Variants in THADA observed in about 807,000 individuals in gnomAD.
THADA encodes the protein tRNA (32-2'-O)-methyltransferase regulator THADA.
THADA carries 213 observed loss-of-function variants against 219.8 expected under a neutral mutation model. That is an observed-to-expected ratio of 0.97 (90% CI 0.87 to 1.09). THADA has a LOEUF of 1.09. THADA is among the 50% of genes least tolerant of loss of function. The pLI is 0.00. For synonymous variants in THADA, 1,018 were observed against 828.9 expected (o/e 1.23, Z -3.92); for missense variants, 2,956 against 2,311.3 (o/e 1.28, Z -5.72).
chr2:43,553,427 A>T (rs1360401643), intron 17 of THADA, among the ~76,000 whole-genome samples: 3 of 152,222 alleles, frequency 2.0e-5, no homozygotes, highest in Admixed American at 1.3e-4. Flanking sequence ...TGTCCTTAAA[A>T]GAACAAAGGC....
chr2:43,585,077 G>A (rs906364575), intron 7 of THADA, among the ~76,000 whole-genome samples: 4 of 152,036 alleles, frequency 2.6e-5, no homozygotes, highest in African/African-American at 4.8e-5. Flanking sequence ...AGATTTAAAC[G>A]TACTGACATC....
intron 14 of THADA, 21 bp downstream of exon 14, chr2:43,570,367 G>C: frequency 6.3e-7 from 1 of 1,575,502 alleles, no homozygotes. Flanking sequence ...AAACTCTCAT[G>C]TTTAGAAATA....
At chr2:43,303,864 C>T (rs1676542484) in intron 31 of THADA, among the ~76,000 whole-genome samples, 1 of 152,078 alleles carries the variant, frequency 6.6e-6, no homozygotes, top group African/African-American at 2.4e-5. Context: ...GCTGCTCACC[C>T]CAAGTTTCTA....
intron 28 of THADA, among the ~76,000 whole-genome samples, chr2:43,420,837 C>A (rs975795554): frequency 6.6e-5 from 10 of 152,206 alleles, no homozygotes; most frequent in African/African-American, 2.4e-4. Context: ...AACATAATTT[C>A]ATACTACATG....
At chr2:43,297,431 C>T (rs1675586606) in intron 31 of THADA, among the ~76,000 whole-genome samples, 1 of 101,708 alleles carries the variant, frequency 9.8e-6, no homozygotes, top group South Asian at 3.5e-4. Flanking sequence ...GGCAGCCACC[C>T]CGTCCGGGAG....
At chr2:43,472,447 A>G (rs775150509) in intron 26 of THADA, among the ~76,000 whole-genome samples, 3 of 152,270 alleles carry the variant, frequency 2.0e-5, no homozygotes, top group African/African-American at 4.8e-5. Context: ...TAACTAATCA[A>G]AACAAGAGAA....
At chr2:43,338,923 T>A (rs969344154) in intron 30 of THADA, among the ~76,000 whole-genome samples, 10 of 152,202 alleles carry the variant, frequency 6.6e-5, no homozygotes, top group Admixed American at 6.5e-5. Context: ...TGAGGAAATA[T>A]CATACTGTTT....
chr2:43,253,228 G>A (rs575743275), intron 36 of THADA, among the ~76,000 whole-genome samples: 3 of 152,294 alleles, frequency 2.0e-5, no homozygotes, highest in Admixed American at 1.3e-4. Flanking sequence ...AAGACGCCTG[G>A]GAGGAAAGGG....
At chr2:43,468,384 G>A (rs951118861) in intron 26 of THADA, among the ~76,000 whole-genome samples, 1 of 152,182 alleles carries the variant, frequency 6.6e-6, no homozygotes, top group African/African-American at 2.4e-5. Flanking sequence ...ATCCGGTGGT[G>A]TTATTTGGAT....
At chr2:43,595,082 T>G (rs189437689) in intron 1 of THADA, among the ~76,000 whole-genome samples, 3 of 152,218 alleles carry the variant, frequency 2.0e-5, no homozygotes, top group African/African-American at 7.2e-5. Flanking sequence ...ATAGTAGGTG[T>G]TTAACAAACA....
chr2:43,484,745 T>C (rs1686670290), intron 26 of THADA, among the ~76,000 whole-genome samples: 1 of 152,106 alleles, frequency 6.6e-6, no homozygotes, highest in Non-Finnish European at 1.5e-5. Context: ...AAGCACTGTT[T>C]ATTTCTTGTG....
In THADA at chr2:43,307,257, G is replaced by A. The variant is rs114017680; in HGVS notation, c.4438+13189C>T. Among the ~76,000 whole-genome samples the A allele has an allele frequency of 5.6e-4, 86 of 152,318 alleles. 2 individuals are homozygous for A. The highest frequency in any genetic ancestry group is 1.4e-3 in the Admixed American group (22 of 15,302). ...GAGAGGAGGAACCCAGAGCCCAGAG[G>A]TCTTGGCTCAGTTGAAACGATGAGA... On this transcript the variant is annotated intron_variant, in intron 31 of 37. Transcript: ENST00000405975.
In THADA at chr2:43,357,922, T is replaced by C. The variant is rs538967914; in HGVS notation, c.4228-13685A>G. Among the ~76,000 whole-genome samples the C allele has an allele frequency of 1.6e-4, 25 of 152,288 alleles. No homozygotes were observed. In the South Asian group the frequency reaches 5.0e-3, roughly 30 times the overall value. On this transcript the variant is annotated intron_variant, in intron 29 of 37. Transcript: ENST00000405975. ...TTTCAATTTTTTTCAAGTTTTGAAA[T>C]TGTAGACTCATAGCAAATTGCAAAA...
intron 29 of THADA, among the ~76,000 whole-genome samples, chr2:43,387,941 G>A (rs1485986975): frequency 6.6e-6 from 1 of 152,236 alleles, no homozygotes; most frequent in Non-Finnish European, 1.5e-5. Flanking sequence ...AAGCCTGTGT[G>A]TCAATTTTAC....
At chr2:43,431,180 G>A (rs1401954740) in intron 26 of THADA, among the ~76,000 whole-genome samples, 1 of 152,064 alleles carries the variant, frequency 6.6e-6, no homozygotes, top group Non-Finnish European at 1.5e-5. Flanking sequence ...AGCTCTACAT[G>A]TTATGTTCCT....
At chr2:43,501,172 G>A (rs1688904246) in intron 24 of THADA, among the ~76,000 whole-genome samples, 1 of 151,418 alleles carries the variant, frequency 6.6e-6, no homozygotes, top group African/African-American at 2.4e-5. Flanking sequence ...TGGGCGTGGT[G>A]GTGCACGCCT....
intron 29 of THADA, among the ~76,000 whole-genome samples, chr2:43,367,031 C>G (rs1670235635): frequency 6.6e-6 from 1 of 152,114 alleles, no homozygotes; most frequent in Non-Finnish European, 1.5e-5. Context: ...CTGACACATG[C>G]CAAAACACAG....
chr2:43,430,886 T>C (rs1160394031), intron 26 of THADA, among the ~76,000 whole-genome samples: 1 of 152,196 alleles, frequency 6.6e-6, no homozygotes, highest in African/African-American at 2.4e-5. Context: ...TGGGACAAAA[T>C]GGCCCCTGAT....
intron 29 of THADA, among the ~76,000 whole-genome samples, chr2:43,382,462 T>A (rs1302575658): frequency 6.6e-6 from 1 of 152,144 alleles, no homozygotes; most frequent in Admixed American, 6.5e-5. Flanking sequence ...ATGTTCTTTA[T>A]GAGAGACAAC....
Sources: allele counts gnomAD v4.1 joint callset (sites outside exome capture counted in the v4.1 genomes callset), GRCh38; gene constraint gnomAD v4.1.1; transcripts MANE v1.5; gene names NCBI Gene and HGNC (gene_info 2026-07-23, HGNC 2026-07-21).